ROBO2: variants seen among roughly 807,000 people sequenced by gnomAD.
ROBO2 encodes roundabout guidance receptor 2, also known as roundabout homolog 2.
In ROBO2, 53 loss-of-function variants were observed where a neutral mutation model predicts 160.8. The ratio of observed to expected loss-of-function variants is 0.33; its 90% CI spans 0.26 to 0.41. The LOEUF is 0.41. Ranked by LOEUF, ROBO2 falls within the 10% of genes least tolerant of loss-of-function variation. The probability of loss-of-function intolerance (pLI) is 1.00; values close to 1 mark genes in which losing one functional copy is unlikely to be tolerated. For synonymous variants in ROBO2, 664 were observed against 611.7 expected (o/e 1.09, Z -1.26); for missense variants, 1,577 against 1,722.4 (o/e 0.92, Z 1.49).
intron 2 of ROBO2, among the ~76,000 whole-genome samples, chr3:76,817,738 A>G (rs1465163421): frequency 2.0e-5 from 3 of 151,846 alleles, no homozygotes; most frequent in Non-Finnish European, 4.4e-5. Context: ...GAATGAGAAC[A>G]TACGACATTT....
chr3:76,187,113 G>C (rs1701801571), intron 2 of ROBO2, among the ~76,000 whole-genome samples: 1 of 151,204 alleles, frequency 6.6e-6, no homozygotes, highest in African/African-American at 2.4e-5. Context: ...CATTGTCTTT[G>C]TGCTGAAGTT....
chr3:75,978,096 G>A (rs1431553123), intron 2 of ROBO2, among the ~76,000 whole-genome samples: 1 of 151,432 alleles, frequency 6.6e-6, no homozygotes, highest in African/African-American at 2.4e-5. Flanking sequence ...AAAAATCAGC[G>A]ATAGTAGTTT....
intron 2 of ROBO2, among the ~76,000 whole-genome samples, chr3:77,001,358 G>T (rs1055098758): frequency 5.3e-5 from 8 of 151,980 alleles, no homozygotes; most frequent in Non-Finnish European, 1.0e-4. Flanking sequence ...TCTTGTCACT[G>T]GTCAACATAT....
intron 2 of ROBO2, among the ~76,000 whole-genome samples, chr3:76,984,336 T>A (rs998965143): frequency 6.6e-6 from 1 of 152,196 alleles, no homozygotes; most frequent in African/African-American, 2.4e-5. Flanking sequence ...AGCTCTTTAC[T>A]TACTGTAGCC....
intron 2 of ROBO2, among the ~76,000 whole-genome samples, chr3:76,278,403 A>G (rs2107659709): frequency 6.6e-6 from 1 of 152,080 alleles, no homozygotes; most frequent in Non-Finnish European, 1.5e-5. Context: ...GTTGAATAGG[A>G]TATTGTTCAT....
intron 2 of ROBO2, among the ~76,000 whole-genome samples, chr3:76,837,101 T>C (rs114507231): frequency 0.015 from 2,267 of 152,008 alleles, 17 homozygotes; most frequent in Middle Eastern, 0.024. Flanking sequence ...TGTATTTGGT[T>C]TGGGTAGTGC....
intron 2 of ROBO2, among the ~76,000 whole-genome samples, chr3:77,197,547 T>C (rs1360836781): frequency 6.6e-6 from 1 of 152,130 alleles, no homozygotes; most frequent in African/African-American, 2.4e-5. Context: ...AGTAAGAAAA[T>C]GTCTGGAAAA....
intron 5 of ROBO2, among the ~76,000 whole-genome samples, chr3:77,516,734 C>A (rs1212895702): frequency 6.6e-6 from 1 of 151,580 alleles, no homozygotes; most frequent in Non-Finnish European, 1.5e-5. Flanking sequence ...AGTATCATAT[C>A]AATATGAATT....
At chr3:76,567,310 G>A (rs1451186848) in intron 2 of ROBO2, among the ~76,000 whole-genome samples, 6 of 151,904 alleles carry the variant, frequency 3.9e-5, no homozygotes, top group Non-Finnish European at 8.8e-5. Flanking sequence ...TTGTGTTTGT[G>A]ATTTTTGACA....
In ROBO2 at chr3:77,255,535, C is replaced by T. The variant is rs2090829382; in HGVS notation, c.388+157195C>T. 2.0e-5 allele frequency among the ~76,000 whole-genome samples: 3 copies of T among 152,124 alleles called. No individual in the cohort carries two copies. The South Asian group carries it at 6.2e-4, about 32-fold the overall frequency. On this transcript the variant is annotated intron_variant, in intron 2 of 25. Transcript: ENST00000461745. The stretch of plus-strand genomic sequence containing the variant: ...AAGGTGTCTGGTGGTAACCAACCTC[C>T]CACTTTCTGAACTCAGGAACCAGAC...
In ROBO2 at chr3:76,452,281, C is replaced by T. The variant is rs1266377250; in HGVS notation, c.109+514679C>T. On this transcript the variant is annotated intron_variant, in intron 2 of 26. Coordinates refer to the ROBO2 transcript ENST00000487694. The stretch of plus-strand genomic sequence containing the variant: ...CATGCTGGTGTGCTGCACCAATTAA[C>T]TCATCATTTAGCATTAGGTGTATCT... Among the ~76,000 whole-genome samples the T allele has an allele frequency of 2.0e-5, 3 of 151,990 alleles. No individual in the cohort carries two copies. The East Asian group carries it at 5.8e-4, about 29-fold the overall frequency.
At chr3:77,293,578 CG>C (rs1359710005) in intron 2 of ROBO2, among the ~76,000 whole-genome samples, 1 of 143,528 alleles carries the variant, frequency 7.0e-6, no homozygotes. Context: ...GACGGGTAAA[CG>C]GGTAAGCTGA....
rs532872563 is a variant in ROBO2 at position 76,035,768 on chromosome 3, A to T, written c.109+98166A>T. ...ATTTGGGGGCCTGCACTCATTATCG[A>T]TTGAAAACAATCTCATCAAAAAGTG... On this transcript the variant is annotated intron_variant, in intron 2 of 26. Coordinates refer to the ROBO2 transcript ENST00000487694. 7.9e-5 allele frequency among the ~76,000 whole-genome samples: 12 copies of T among 152,136 alleles called. No homozygotes were observed. The South Asian group carries it at 2.5e-3, about 32-fold the overall frequency.
rs535183765 is a variant in ROBO2 at position 77,130,117 on chromosome 3, G to A, written c.388+31777G>A. Among the ~76,000 whole-genome samples the A allele has an allele frequency of 2.0e-5, 3 of 152,208 alleles. No individual in the cohort carries two copies. In the South Asian group the frequency reaches 6.2e-4, roughly 32 times the overall value. The stretch of plus-strand genomic sequence containing the variant: ...ACAACCACAGAATGGTTGACATTGA[G>A]TTCTTCGGCAACTTTTCATGTAGTT... On this transcript the variant is annotated intron_variant, in intron 2 of 25. Transcript: ENST00000461745.
chr3:75,981,301 G>A (rs2065266866), intron 2 of ROBO2, among the ~76,000 whole-genome samples: 1 of 151,296 alleles, frequency 6.6e-6, no homozygotes, highest in Non-Finnish European at 1.5e-5. Context: ...AGTTTCCCAA[G>A]TTTTCCATTT....
At chr3:77,236,300 A>C (rs2087967605) in intron 2 of ROBO2, among the ~76,000 whole-genome samples, 1 of 152,236 alleles carries the variant, frequency 6.6e-6, no homozygotes, top group African/African-American at 2.4e-5. Flanking sequence ...TGTAGAGACC[A>C]AAGTTTTATC....
At chr3:77,090,761 T>G (rs1407241543) in intron 1 of ROBO2, among the ~76,000 whole-genome samples, 1 of 152,136 alleles carries the variant, frequency 6.6e-6, no homozygotes, top group Non-Finnish European at 1.5e-5. Flanking sequence ...ACTGCCTCCT[T>G]CCTATTGCGA....
chr3:77,207,168 T>C (rs1438903064), intron 2 of ROBO2, among the ~76,000 whole-genome samples: 1 of 152,228 alleles, frequency 6.6e-6, no homozygotes, highest in Non-Finnish European at 1.5e-5. Flanking sequence ...ATTTATGTTT[T>C]GTTTTTCTCA....
intron 2 of ROBO2, among the ~76,000 whole-genome samples, chr3:77,462,380 G>C (rs901613984): frequency 1.1e-4 from 17 of 152,178 alleles, no homozygotes; most frequent in African/African-American, 4.1e-4. Flanking sequence ...TGAATTTTTA[G>C]TCTATCTTTG....
Sources: allele counts gnomAD v4.1 joint callset (sites outside exome capture counted in the v4.1 genomes callset), GRCh38; gene constraint gnomAD v4.1.1; transcripts MANE v1.5; gene names NCBI Gene and HGNC (gene_info 2026-07-23, HGNC 2026-07-21).